The following RBFOX1 variants were observed in gnomAD, a reference collection of about 807,000 sequenced individuals.
RBFOX1 encodes RNA binding protein fox-1 homolog 1.
A neutral mutation model predicts 57.7 loss-of-function variants in RBFOX1; 8 were observed. The observed-to-expected ratio is 0.14, with a 90% CI of 0.08 to 0.25. The LOEUF (loss-of-function observed/expected upper bound fraction) is 0.25, where lower values mean the gene tolerates loss of function less well. Ranked by LOEUF, RBFOX1 falls within the 10% of genes least tolerant of loss-of-function variation. The pLI, the probability that RBFOX1 is intolerant of heterozygous loss-of-function variation, is 1.00. For missense variants in RBFOX1, 611 were observed against 548.5 expected (o/e 1.11, Z -1.14); for synonymous variants, 326 against 222.4 (o/e 1.47, Z -4.15).
intron 3 of RBFOX1, among the ~76,000 whole-genome samples, chr16:6,957,883 C>T (rs1432416716): frequency 1.3e-5 from 2 of 152,118 alleles, no homozygotes; most frequent in Non-Finnish European, 2.9e-5. Context: ...TAGTCAGAGC[C>T]CTTAAATGGC....
At chr16:6,790,489 C>T (rs1472003207) in intron 3 of RBFOX1, among the ~76,000 whole-genome samples, 1 of 151,984 alleles carries the variant, frequency 6.6e-6, no homozygotes, top group Non-Finnish European at 1.5e-5. Flanking sequence ...ATGGCGCCCT[C>T]CATCGTTCTT....
At chr16:7,320,243 T>C (rs55870430) in intron 4 of RBFOX1, among the ~76,000 whole-genome samples, 28,432 of 151,172 alleles carry the variant, frequency 0.19, 4,343 homozygotes, top group African/African-American at 0.43. Flanking sequence ...CACCACCCCC[T>C]ACAGGCCCCA....
chr16:5,558,355 G>C lies in RBFOX1; in HGVS notation c.259-40547G>C, dbSNP rs564712642. Among the ~76,000 whole-genome samples the C allele has an allele frequency of 1.7e-4, 26 of 152,256 alleles. 1 individual carries two copies. The East Asian group carries it at 4.3e-3, about 25-fold the overall frequency. On this transcript the variant is annotated intron_variant, in intron 2 of 2. Transcript: ENST00000585867. ...CCCTAGATGCAGCTGTGGAGGCAGA[G>C]CCCAAAAGCGGTCCTCATGTCCTCA...
intron 4 of RBFOX1, among the ~76,000 whole-genome samples, chr16:7,417,504 G>A (rs1478982937): frequency 2.7e-5 from 4 of 147,364 alleles, no homozygotes; most frequent in Non-Finnish European, 4.5e-5. Context: ...CGCCTTATTC[G>A]GATTTCACCA....
chr16:7,531,487 A>G (rs1235480586), intron 5 of RBFOX1, among the ~76,000 whole-genome samples: 2 of 152,182 alleles, frequency 1.3e-5, no homozygotes, highest in Non-Finnish European at 2.9e-5. Flanking sequence ...TAGAGAAATC[A>G]AGGATGTTGC....
At chr16:7,120,615 A>T (rs1008491886) in intron 4 of RBFOX1, among the ~76,000 whole-genome samples, 32 of 151,694 alleles carry the variant, frequency 2.1e-4, no homozygotes, top group Non-Finnish European at 3.5e-4. Flanking sequence ...CAATAGACTT[A>T]TTTAAAATAT....
intron 1 of RBFOX1, among the ~76,000 whole-genome samples, chr16:6,225,873 C>G (rs1022304368): frequency 2.0e-5 from 3 of 152,130 alleles, no homozygotes; most frequent in African/African-American, 4.8e-5. Context: ...AATGCAAAAG[C>G]CTTTGTAGAC....
intron 2 of RBFOX1, among the ~76,000 whole-genome samples, chr16:6,529,373 A>T (rs975122541): frequency 6.6e-6 from 1 of 152,142 alleles, no homozygotes; most frequent in East Asian, 1.9e-4. Flanking sequence ...AGCCTGACCA[A>T]CTTGGTGATA....
chr16:5,766,563 C>T (rs1010788705), intron 3 of RBFOX1, among the ~76,000 whole-genome samples: 2 of 152,090 alleles, frequency 1.3e-5, no homozygotes, highest in Admixed American at 6.5e-5. Context: ...CCAGCCCGGG[C>T]AACAGTGCGA....
At chr16:7,068,386 A>G (rs2056606661) in intron 4 of RBFOX1, among the ~76,000 whole-genome samples, 1 of 152,128 alleles carries the variant, frequency 6.6e-6, no homozygotes, top group Non-Finnish European at 1.5e-5. Flanking sequence ...AAAGTCAGAG[A>G]CCAGAGCATT....
intron 4 of RBFOX1, among the ~76,000 whole-genome samples, chr16:7,381,522 A>G (rs1474093941): frequency 7.4e-5 from 11 of 148,926 alleles, no homozygotes; most frequent in Admixed American, 7.4e-4. Flanking sequence ...TTTTTATTTT[A>G]TTAACAGCTT....
chr16:5,603,738 A>G (rs2151217286), downstream of RBFOX1, among the ~76,000 whole-genome samples: 1 of 152,292 alleles, frequency 6.6e-6, no homozygotes, highest in South Asian at 2.1e-4. Flanking sequence ...GTCTTTAAAC[A>G]TTGCAGTCAT....
At chr16:6,872,945 A>G (rs1021086756) in intron 3 of RBFOX1, among the ~76,000 whole-genome samples, 3 of 152,166 alleles carry the variant, frequency 2.0e-5, no homozygotes, top group Non-Finnish European at 4.4e-5. Context: ...GCTCTGTTTT[A>G]CTTCCCCGGC....
chr16:5,391,794 G>A (rs1466373006), intron 1 of RBFOX1, among the ~76,000 whole-genome samples: 1 of 151,550 alleles, frequency 6.6e-6, no homozygotes, highest in Non-Finnish European at 1.5e-5. Flanking sequence ...CAATTAATGA[G>A]TGGATAAAGA....
At chr16:7,245,830 C>G (rs920904503) in intron 4 of RBFOX1, among the ~76,000 whole-genome samples, 4 of 152,180 alleles carry the variant, frequency 2.6e-5, no homozygotes, top group Non-Finnish European at 5.9e-5. Context: ...TCATGCAACT[C>G]TTCACAAATT....
intron 4 of RBFOX1, among the ~76,000 whole-genome samples, chr16:7,447,686 C>T (rs1024837986): frequency 2.6e-5 from 4 of 152,172 alleles, no homozygotes; most frequent in Admixed American, 1.3e-4. Flanking sequence ...TGAACCTCTG[C>T]CTCTGTTGGC....
intron 4 of RBFOX1, among the ~76,000 whole-genome samples, chr16:7,189,588 T>TACAC (rs1423548394): frequency 7.9e-6 from 1 of 126,686 alleles, no homozygotes; most frequent in East Asian, 2.3e-4. Flanking sequence ...CACACACACA[T>TACAC]ACACACACAA....
chr16:6,640,855 A>G (rs4511537), intron 2 of RBFOX1, among the ~76,000 whole-genome samples: 128,335 of 151,958 alleles, frequency 0.84, 55,208 homozygotes, highest in Middle Eastern at 0.98. Context: ...CCATCTTAGG[A>G]TTAAGGCCAA....
chr16:6,377,834 C>A (rs1397905762), intron 2 of RBFOX1, among the ~76,000 whole-genome samples: 2 of 152,116 alleles, frequency 1.3e-5, no homozygotes, highest in Admixed American at 1.3e-4. Context: ...AATGAAGCTT[C>A]CCCAACGTGG....
Sources: gnomAD v4.1 joint callset for allele counts (sites outside exome capture counted in the v4.1 genomes callset) on GRCh38, gnomAD v4.1.1 for gene constraint, MANE v1.5 for transcripts, NCBI Gene and HGNC (gene_info 2026-07-23, HGNC 2026-07-21) for gene names.